Variants in AMOT observed in about 807,000 individuals in gnomAD.
The protein encoded by AMOT is angiomotin.
In AMOT, 11 loss-of-function variants were observed where a neutral mutation model predicts 67.0. The ratio of observed to expected loss-of-function variants is 0.16; its 90% CI spans 0.10 to 0.27. AMOT has a LOEUF of 0.27. Among genes scored for constraint, AMOT ranks in the 10% least tolerant of loss-of-function variants. AMOT has a pLI of 1.00. For missense variants in AMOT, 753 were observed against 852.0 expected, an observed-to-expected ratio of 0.88 and a Z score of 1.45; for synonymous variants, 326 against 321.4, an observed-to-expected ratio of 1.01 and a Z score of -0.15.
intron 2 of AMOT, among the ~76,000 whole-genome samples, chrX:112,828,137 C>A (rs1934890529): frequency 9.0e-6 from 1 of 110,744 alleles, no homozygotes; most frequent in African/African-American, 3.3e-5. Flanking sequence ...TAGAGAATAA[C>A]TTTCCCAACA....
At chrX:112,800,879 A>G (rs1933992692) in intron 8 of AMOT, among the ~76,000 whole-genome samples, 1 of 111,704 alleles carries the variant, frequency 9.0e-6, no homozygotes, top group African/African-American at 3.3e-5. Context: ...TAGCCACTGC[A>G]GTTCAGAAAA....
intron 8 of AMOT, among the ~76,000 whole-genome samples, chrX:112,802,324 G>A (rs190207757): frequency 8.9e-6 from 1 of 112,490 alleles, no homozygotes; most frequent in African/African-American, 3.2e-5. Context: ...CTGAGGATAA[G>A]CAAAAGGGAT....
intron 9 of AMOT, among the ~76,000 whole-genome samples, chrX:112,791,231 A>C (rs766402085): frequency 9.1e-6 from 1 of 109,945 alleles, no homozygotes; most frequent in Non-Finnish European, 1.9e-5. Context: ...AATACAAAAA[A>C]AAAAAAAATT....
At chrX:112,834,031 T>A (rs1279512035) in intron 1 of AMOT, among the ~76,000 whole-genome samples, 1 of 112,212 alleles carries the variant, frequency 8.9e-6, no homozygotes, top group Non-Finnish European at 1.9e-5. Flanking sequence ...GGCAACTTCA[T>A]AAAAGGATGT....
intron 8 of AMOT, among the ~76,000 whole-genome samples, chrX:112,794,695 C>T (rs186268647): frequency 8.9e-6 from 1 of 112,466 alleles, no homozygotes; most frequent in East Asian, 2.8e-4. Flanking sequence ...TTATGTGCTT[C>T]ACTTTTACCT....
rs764137361 is a variant in AMOT at position 112,822,469 on chromosome X, C to A, written c.658G>T (p.Ala220Ser). 6.6e-5 allele frequency: 77 copies of A among 1,165,911 alleles called. No individual in the cohort carries two copies. In the South Asian group the frequency reaches 1.4e-3, roughly 22 times the overall value. Residue 220 changes from alanine (A) to serine (S), a missense_variant, in exon 4 of 14, where the codon GCC becomes TCC. Ala to Ser is a moderately conservative substitution (Grantham distance 99). This residue lies in a region of AMOT where 297 missense variants were observed against 284.3 expected (regional missense o/e 1.04). Transcript: ENST00000371959. ...NPTSSSEFYK[A>S]QGPLPNQHSL... ...TGCTGGTTAGGAAGTGGCCCTTGGG[C>A]CTTGTAGAATTCACTGGAACTTGTG...
At chrX:112,810,651 A>C (rs1213869946) in intron 6 of AMOT, among the ~76,000 whole-genome samples, 3 of 109,588 alleles carry the variant, frequency 2.7e-5, no homozygotes, top group African/African-American at 1.0e-4. Flanking sequence ...TGGAGGTTGC[A>C]GTGAGCCGAG....
At chrX:112,813,957 G>A (rs1934451362) in intron 5 of AMOT, among the ~76,000 whole-genome samples, 1 of 112,196 alleles carries the variant, frequency 8.9e-6, no homozygotes, top group African/African-American at 3.2e-5. Context: ...CTAAGGGACA[G>A]GGAAGCCATT....
intron 5 of AMOT, among the ~76,000 whole-genome samples, chrX:112,813,210 C>CTA (rs1252314849): frequency 9.0e-6 from 1 of 111,729 alleles, no homozygotes; most frequent in African/African-American, 3.3e-5. Flanking sequence ...AATCCTTCCC[C>CTA]TACCCCCTGT....
chrX:112,798,259 T>G (rs191460663), intron 8 of AMOT, among the ~76,000 whole-genome samples: 1 of 112,922 alleles, frequency 8.9e-6, no homozygotes, highest in Admixed American at 9.4e-5. Context: ...CCAAGAGTTC[T>G]TCCTTGAATA....
At chrX:112,800,612 G>C (rs182464993) in intron 8 of AMOT, among the ~76,000 whole-genome samples, 1 of 112,280 alleles carries the variant, frequency 8.9e-6, no homozygotes, top group Non-Finnish European at 1.9e-5. Context: ...TAATATCAGG[G>C]AAGCAGGAAA....
intron 10 of AMOT, among the ~76,000 whole-genome samples, chrX:112,789,182 T>C (rs1933484657): frequency 8.9e-6 from 1 of 112,134 alleles, no homozygotes. Context: ...ATAATAACAA[T>C]GTTTTTTCAG....
At chrX:112,808,790 A>C (rs1934266885) in intron 7 of AMOT, among the ~76,000 whole-genome samples, 1 of 112,048 alleles carries the variant, frequency 8.9e-6, no homozygotes, top group African/African-American at 3.3e-5. Flanking sequence ...AGCAACTGTG[A>C]TACCACAAAA....
At chrX:112,828,734 T>A (rs1298984635) in intron 2 of AMOT, among the ~76,000 whole-genome samples, 1 of 111,253 alleles carries the variant, frequency 9.0e-6, no homozygotes, top group Non-Finnish European at 1.9e-5. Flanking sequence ...AAAATGAAAG[T>A]TTTTATAACG....
chrX:112,827,986 G>A (rs1371035182), intron 2 of AMOT, among the ~76,000 whole-genome samples: 1 of 111,131 alleles, frequency 9.0e-6, no homozygotes, highest in African/African-American at 3.3e-5. Context: ...TAAATGGAAG[G>A]GGGCCAGTTC....
chrX:112,799,441 T>C (rs1437601165), intron 8 of AMOT, among the ~76,000 whole-genome samples: 2 of 112,049 alleles, frequency 1.8e-5, no homozygotes, highest in Non-Finnish European at 3.8e-5. Context: ...ATTGTCTAAT[T>C]TTCCTCTTCC....
chrX:112,782,085 C>T (rs750286977), intron 11 of AMOT, among the ~76,000 whole-genome samples: 33 of 111,955 alleles, frequency 2.9e-4, no homozygotes, highest in South Asian at 3.9e-4. Flanking sequence ...GACAGGGTTT[C>T]ACCATATTGG....
At chrX:112,790,834 T>C (rs1933547471) in intron 9 of AMOT, 52 bp from the exon 10 acceptor site, 3 of 1,035,031 alleles carry the variant, frequency 2.9e-6, no homozygotes, top group Non-Finnish European at 3.8e-6. Flanking sequence ...AGAACCATGG[T>C]GTCTGAGCCC....
At position 112,785,752 on chromosome X, in the gene AMOT, A is replaced by G. The variant is rs1933345698; in HGVS notation, c.2118-3090T>C. ...ATTGTAATAATCCCAGCAACAGATC[A>G]TGAAACTATGCACCAGCGAAGTGGC... On this transcript the variant is annotated intron_variant, in intron 10 of 13. Transcript: ENST00000371959. 3.6e-5 allele frequency among the ~76,000 whole-genome samples: 4 copies of G among 112,408 alleles called. No homozygotes were observed. The South Asian group carries it at 1.5e-3, about 41-fold the overall frequency.
Sources: allele counts gnomAD v4.1 joint callset (sites outside exome capture counted in the v4.1 genomes callset), GRCh38; gene constraint gnomAD v4.1.1; regional missense constraint gnomAD v4.1.1; transcripts MANE v1.5; gene names NCBI Gene and HGNC (gene_info 2026-07-23, HGNC 2026-07-21).